PPFIA1: variants seen among roughly 807,000 people sequenced by gnomAD.
PPFIA1 encodes the protein PPFI scaffold protein A1.
A neutral mutation model predicts 149.9 loss-of-function variants in PPFIA1; 25 were observed. The observed-to-expected ratio is 0.17, with a 90% CI of 0.12 to 0.23. PPFIA1 has a LOEUF of 0.23. Ranked by LOEUF, PPFIA1 falls within the 10% of genes least tolerant of loss-of-function variation. The pLI is 1.00. For missense variants in PPFIA1, 1,362 were observed against 1,506.5 expected (o/e 0.90, Z 1.59); for synonymous variants, 549 against 552.8 (o/e 0.99, Z 0.10).
At chr11:70,297,776 G>T (rs577742310) in intron 2 of PPFIA1, among the ~76,000 whole-genome samples, 2 of 152,148 alleles carry the variant, frequency 1.3e-5, no homozygotes, top group African/African-American at 4.8e-5. Context: ...TCTGTGCTCC[G>T]AGGTTGTCAC....
At chr11:70,339,092 T>C in intron 13 of PPFIA1, 79 bp from the exon 14 acceptor site, 1 of 1,544,962 alleles carries the variant, frequency 6.5e-7, no homozygotes, top group Non-Finnish European at 8.8e-7. Context: ...TTTTCCAAAT[T>C]GATAGATTCT....
intron 2 of PPFIA1, among the ~76,000 whole-genome samples, chr11:70,300,109 C>A (rs1166196886): frequency 6.6e-6 from 1 of 151,904 alleles, no homozygotes; most frequent in Non-Finnish European, 1.5e-5. Context: ...CTGCCCCTTC[C>A]ACCCGCCCCA....
At chr11:70,280,575 A>T (rs2050696221) in intron 2 of PPFIA1, among the ~76,000 whole-genome samples, 1 of 152,110 alleles carries the variant, frequency 6.6e-6, no homozygotes, top group Admixed American at 6.5e-5. Flanking sequence ...GTCTCGGGGA[A>T]AAAGAAAAAG....
At chr11:70,324,529 C>G in intron 3 of PPFIA1, 26 bp downstream of exon 3, 1 of 1,551,584 alleles carries the variant, frequency 6.4e-7, no homozygotes, top group Non-Finnish European at 8.9e-7. Context: ...CTGTTCACTG[C>G]CTGCCCCTGG....
In PPFIA1 at chr11:70,362,400, G is replaced by C. The variant is rs752829584; in HGVS notation, c.2777G>C (p.Ser926Thr). ...DTEIQREIGI[S>T]NPLHRLKLRL... The stretch of plus-strand genomic sequence containing the variant: ...GAGATCCAGCGTGAGATTGGCATCA[G>C]CAACCCCCTGCACAGGCTGAAGCTG... Residue 926 changes from serine (S) to threonine (T), a missense_variant, in exon 21 of 28, where the codon AGC (serine) becomes ACC (threonine). Transcript: ENST00000253925. 1 of 1,614,184 alleles carries C rather than the reference G, an allele frequency of 6.2e-7. No individual in the cohort carries two copies. Among genetic ancestry groups the C allele is most frequent in the Non-Finnish European group, 8.5e-7 (1 of 1,180,042 alleles).
chr11:70,329,991 C>T, intron 7 of PPFIA1, 182 bp from the exon 8 acceptor site: 2 of 536,054 alleles, frequency 3.7e-6, no homozygotes, highest in Admixed American at 4.1e-5. Flanking sequence ...AAGCCATCCT[C>T]CCGCCTTAGC....
intron 2 of PPFIA1, among the ~76,000 whole-genome samples, chr11:70,311,642 G>A (rs528161328): frequency 1.1e-4 from 17 of 152,224 alleles, no homozygotes; most frequent in Non-Finnish European, 1.8e-4. Context: ...GGCTGGTGGC[G>A]ATACTGCCTT....
intron 21 of PPFIA1, among the ~76,000 whole-genome samples, chr11:70,370,164 T>A (rs888562703): frequency 6.6e-6 from 1 of 152,034 alleles, no homozygotes; most frequent in Non-Finnish European, 1.5e-5. Flanking sequence ...TTGGCCAGGC[T>A]GGTCCCCTCT....
At chr11:70,364,511 G>C (rs958337213) in intron 21 of PPFIA1, 11 of 152,184 alleles carry the variant, frequency 7.2e-5, no homozygotes, top group Non-Finnish European at 1.6e-4. Flanking sequence ...CAAGGAGCAC[G>C]TCAGCGCTGG....
chr11:70,330,726 G>T (rs2054601971), intron 8 of PPFIA1, among the ~76,000 whole-genome samples: 1 of 152,192 alleles, frequency 6.6e-6, no homozygotes, highest in East Asian at 1.9e-4. Flanking sequence ...GGAGGCTGAG[G>T]TGGGAAGATC....
chr11:70,347,649 T>C (rs2055794689), intron 15 of PPFIA1, among the ~76,000 whole-genome samples: 1 of 152,078 alleles, frequency 6.6e-6, no homozygotes, highest in Non-Finnish European at 1.5e-5. Flanking sequence ...GAGGCTGCAG[T>C]GAGCTGTGAT....
intron 17 of PPFIA1, among the ~76,000 whole-genome samples, chr11:70,355,349 G>A (rs2056302752): frequency 6.6e-6 from 1 of 152,158 alleles, no homozygotes; most frequent in Non-Finnish European, 1.5e-5. Flanking sequence ...GGCGGTTGTG[G>A]GAGCTGCTGG....
intron 2 of PPFIA1, among the ~76,000 whole-genome samples, chr11:70,310,584 C>G (rs948921835): frequency 6.6e-6 from 1 of 152,052 alleles, no homozygotes; most frequent in African/African-American, 2.4e-5. Flanking sequence ...TGGGGTTTCA[C>G]CATGTTGGCC....
chr11:70,382,496 T>A (rs1463825125), intron 27 of PPFIA1, among the ~76,000 whole-genome samples: 1 of 146,608 alleles, frequency 6.8e-6, no homozygotes, highest in African/African-American at 2.5e-5. Context: ...CAGGGGAGAG[T>A]CTCTCCTCCT....
chr11:70,279,356 G>A, intron 2 of PPFIA1: 1 of 196,922 alleles, frequency 5.1e-6, no homozygotes, highest in Non-Finnish European at 1.0e-5. Flanking sequence ...CAGACACACA[G>A]CAAGATCTCA....
chr11:70,292,834 T>C (rs2051626867), intron 2 of PPFIA1, among the ~76,000 whole-genome samples: 1 of 152,204 alleles, frequency 6.6e-6, no homozygotes, highest in Non-Finnish European at 1.5e-5. Context: ...TTCAACTGCA[T>C]GAAAAAGTGG....
chr11:70,295,521 A>C (rs1437302565), intron 2 of PPFIA1, among the ~76,000 whole-genome samples: 43 of 60,282 alleles, frequency 7.1e-4, no homozygotes, highest in African/African-American at 1.4e-3. Context: ...GACCCCCCCC[A>C]CCTCCCTCCC....
chr11:70,280,509 C>T (rs1039313341), intron 2 of PPFIA1, among the ~76,000 whole-genome samples: 5 of 152,128 alleles, frequency 3.3e-5, no homozygotes, highest in Admixed American at 3.3e-4. Flanking sequence ...ACGGAGGTTG[C>T]AGTGAGCCAA....
At chr11:70,349,444 A>G (rs2055917489) in intron 16 of PPFIA1, among the ~76,000 whole-genome samples, 1 of 152,202 alleles carries the variant, frequency 6.6e-6, no homozygotes, top group African/African-American at 2.4e-5. Flanking sequence ...CAACCTGGGC[A>G]ACATAGTGAG....
Sources: gnomAD v4.1 joint callset for allele counts (sites outside exome capture counted in the v4.1 genomes callset) on GRCh38, gnomAD v4.1.1 for gene constraint, MANE v1.5 for transcripts, NCBI Gene and HGNC (gene_info 2026-07-23, HGNC 2026-07-21) for gene names.